Variants in FBXW7 observed in about 807,000 individuals in gnomAD.
FBXW7 encodes F-box/WD repeat-containing protein 7.
FBXW7 carries 11 observed loss-of-function variants against 86.3 expected under a neutral mutation model. The observed-to-expected ratio is 0.13, with a 90% CI of 0.08 to 0.21. The LOEUF (loss-of-function observed/expected upper bound fraction) is 0.21. FBXW7 is among the 10% of genes least tolerant of loss of function. The pLI is 1.00. For synonymous variants in FBXW7, 313 were observed against 297.9 expected, an observed-to-expected ratio of 1.05 and a Z score of -0.52; for missense variants, 488 against 847.4, an observed-to-expected ratio of 0.58 and a Z score of 5.27.
intron 2 of FBXW7, among the ~76,000 whole-genome samples, chr4:152,520,198 C>T (rs897692583): frequency 2.6e-5 from 4 of 151,942 alleles, no homozygotes; most frequent in Non-Finnish European, 5.9e-5. Context: ...CTTTGGGAGG[C>T]CGAGGCGGGT....
intron 2 of FBXW7, 32 bp downstream of exon 2, chr4:152,534,909 C>T (rs774782257): frequency 6.6e-6 from 1 of 152,340 alleles, no homozygotes; most frequent in Admixed American, 6.5e-5. Flanking sequence ...CCCACTTTCT[C>T]CCCCTCAATT....
chr4:152,422,976 T>G (rs962845989), intron 2 of FBXW7, among the ~76,000 whole-genome samples: 3 of 152,224 alleles, frequency 2.0e-5, no homozygotes, highest in Non-Finnish European at 1.5e-5. Flanking sequence ...CTTTTCGTAG[T>G]GTAGATTTGA....
At chr4:152,477,508 T>G (rs1051568922) in intron 2 of FBXW7, among the ~76,000 whole-genome samples, 1 of 152,136 alleles carries the variant, frequency 6.6e-6, no homozygotes, top group African/African-American at 2.4e-5. Context: ...TAGAAGTATT[T>G]AAAAGAGGAG....
At chr4:152,476,317 A>C (rs1744393698) in intron 2 of FBXW7, among the ~76,000 whole-genome samples, 1 of 152,304 alleles carries the variant, frequency 6.6e-6, no homozygotes, top group Middle Eastern at 3.4e-3. Context: ...TAACTTATGC[A>C]AACAAAAGGT....
At chr4:152,423,251 G>T (rs955047771) in intron 2 of FBXW7, among the ~76,000 whole-genome samples, 1 of 152,108 alleles carries the variant, frequency 6.6e-6, no homozygotes, top group Non-Finnish European at 1.5e-5. Flanking sequence ...TTTATTAAAA[G>T]AAATGATTTC....
intron 2 of FBXW7, among the ~76,000 whole-genome samples, chr4:152,457,932 C>T (rs1389621459): frequency 1.3e-5 from 2 of 150,272 alleles, no homozygotes; most frequent in African/African-American, 5.0e-5. Flanking sequence ...CTTCCCCACC[C>T]CTACTAAAAA....
intron 12 of FBXW7, 147 bp downstream of exon 12, chr4:152,325,859 C>A (rs775954636): frequency 3.2e-5 from 18 of 561,870 alleles, no homozygotes; most frequent in Non-Finnish European, 1.8e-5. Context: ...TTTCTTCATG[C>A]CAATTTTAAC....
At chr4:152,530,311 C>T (rs932805215) in intron 2 of FBXW7, 1 of 152,152 alleles carries the variant, frequency 6.6e-6, no homozygotes, top group Admixed American at 6.5e-5. Flanking sequence ...CAGTATCAAA[C>T]TTTAATGCTC....
intron 8 of FBXW7, among the ~76,000 whole-genome samples, chr4:152,331,985 C>A (rs551726093): frequency 4.5e-4 from 68 of 152,046 alleles, no homozygotes; most frequent in African/African-American, 1.6e-3. Flanking sequence ...GGAATAATCA[C>A]CTATAGAGTA....
intron 4 of FBXW7, among the ~76,000 whole-genome samples, chr4:152,404,756 G>A (rs920362574): frequency 6.6e-6 from 1 of 151,980 alleles, no homozygotes; most frequent in Non-Finnish European, 1.5e-5. Context: ...TTTTAATGAC[G>A]TGCCCATTTA....
intron 2 of FBXW7, among the ~76,000 whole-genome samples, chr4:152,493,443 G>A (rs1746046213): frequency 6.6e-6 from 1 of 152,144 alleles, no homozygotes. Context: ...GGGATTACAG[G>A]TGTAAGCCAA....
intron 2 of FBXW7, among the ~76,000 whole-genome samples, chr4:152,429,924 G>C (rs935835790): frequency 2.0e-5 from 3 of 152,178 alleles, no homozygotes; most frequent in African/African-American, 7.2e-5. Flanking sequence ...ATCTTGAGTA[G>C]CTAAATTGGT....
At chr4:152,504,642 A>G (rs1168156160) in intron 2 of FBXW7, among the ~76,000 whole-genome samples, 1 of 152,186 alleles carries the variant, frequency 6.6e-6, no homozygotes, top group Non-Finnish European at 1.5e-5. Context: ...TCAGGTAGCG[A>G]AATACTTAAG....
intron 7 of FBXW7, 159 bp from the exon 8 acceptor site, chr4:152,332,878 T>C (rs993797157): frequency 4.8e-6 from 1 of 208,754 alleles, no homozygotes; most frequent in Non-Finnish European, 8.8e-6. Context: ...CTAACAAATA[T>C]ATACCAGATA....
intron 2 of FBXW7, among the ~76,000 whole-genome samples, chr4:152,435,032 T>A (rs924560224): frequency 8.5e-6 from 1 of 117,556 alleles, no homozygotes; most frequent in Non-Finnish European, 1.6e-5. Flanking sequence ...GGGTTCAGCA[T>A]GCAAAAGGTT....
chr4:152,513,760 CAACCATAGA>C (rs1252098677), intron 2 of FBXW7, among the ~76,000 whole-genome samples: 11 of 152,212 alleles, frequency 7.2e-5, no homozygotes, highest in Non-Finnish European at 1.3e-4. Context: ...CTTTACATCT[CAACCATAGA>C]AACCATTCTG....
At chr4:152,434,640 A>T (rs1740211721) in intron 2 of FBXW7, among the ~76,000 whole-genome samples, 1 of 152,210 alleles carries the variant, frequency 6.6e-6, no homozygotes, top group African/African-American at 2.4e-5. Flanking sequence ...TTCAATTTCC[A>T]TAGTTCCTTG....
At chr4:152,447,551 T>C (rs1353120205) in intron 2 of FBXW7, among the ~76,000 whole-genome samples, 2 of 152,210 alleles carry the variant, frequency 1.3e-5, no homozygotes, top group Non-Finnish European at 2.9e-5. Context: ...TTAAAAGGCA[T>C]AGAAAAGGAA....
chr4:152,333,211 T>C (rs1027162833), intron 7 of FBXW7, among the ~76,000 whole-genome samples: 4 of 152,156 alleles, frequency 2.6e-5, no homozygotes, highest in Non-Finnish European at 2.9e-5. Context: ...GTGTTTATTA[T>C]TGTAATGAAC....
Sources: gnomAD v4.1 joint callset for allele counts (sites outside exome capture counted in the v4.1 genomes callset) on GRCh38, gnomAD v4.1.1 for gene constraint, MANE v1.5 for transcripts, NCBI Gene and HGNC (gene_info 2026-07-23, HGNC 2026-07-21) for gene names.